The following PAPPA2 variants were observed in gnomAD, a reference collection of about 807,000 sequenced individuals.
PAPPA2 encodes the protein pappalysin-2.
PAPPA2 carries 86 observed loss-of-function variants against 176.4 expected under a neutral mutation model. The observed-to-expected ratio is 0.49, with a 90% confidence interval of 0.41 to 0.58. PAPPA2 has a LOEUF of 0.58. Ranked by LOEUF, PAPPA2 falls within the 20% of genes least tolerant of loss-of-function variation. The pLI is 0.00. For missense variants in PAPPA2, 2,073 were observed against 2,256.9 expected (o/e 0.92, Z 1.65); for synonymous variants, 809 against 852.2 (o/e 0.95, Z 0.88).
At chr1:176,532,034 T>C (rs1283764351) in intron 1 of PAPPA2, among the ~76,000 whole-genome samples, 2 of 152,128 alleles carry the variant, frequency 1.3e-5, no homozygotes, top group Non-Finnish European at 2.9e-5. Flanking sequence ...TGTCTCTCAC[T>C]CCGAGGTTTT....
At chr1:176,656,499 G>A (rs1658041333) in intron 3 of PAPPA2, among the ~76,000 whole-genome samples, 1 of 151,838 alleles carries the variant, frequency 6.6e-6, no homozygotes, top group African/African-American at 2.4e-5. Context: ...CGGGGCCTGG[G>A]TAGGAATGGG....
intron 1 of PAPPA2, among the ~76,000 whole-genome samples, chr1:176,488,110 G>A (rs12749584): frequency 0.25 from 38,566 of 151,828 alleles, 6,096 homozygotes; most frequent in African/African-American, 0.44. Context: ...GCTGTTCTGC[G>A]TGGATAGAAA....
chr1:176,514,922 G>C (rs1255612776), intron 1 of PAPPA2, among the ~76,000 whole-genome samples: 1 of 152,116 alleles, frequency 6.6e-6, no homozygotes, highest in Non-Finnish European at 1.5e-5. Context: ...TTCTTATTCA[G>C]TGTTTACATC....
intron 1 of PAPPA2, among the ~76,000 whole-genome samples, chr1:176,480,233 A>G (rs555387287): frequency 3.9e-5 from 6 of 152,262 alleles, no homozygotes; most frequent in African/African-American, 1.2e-4. Context: ...TGCTCTGTGC[A>G]ACAGTCTCCA....
chr1:176,488,787 C>T (rs1053658302), intron 1 of PAPPA2, among the ~76,000 whole-genome samples: 1 of 152,132 alleles, frequency 6.6e-6, no homozygotes, highest in Non-Finnish European at 1.5e-5. Context: ...CCCCCACTTC[C>T]TCCTTGTTCT....
chr1:176,690,491 G>T, intron 5 of PAPPA2, 61 bp downstream of exon 5: 1 of 1,580,970 alleles, frequency 6.3e-7, no homozygotes, highest in African/African-American at 1.3e-5. Context: ...TGAGAGCTGG[G>T]AGGGTGGAGG....
At chr1:176,714,292 C>G (rs905940260) in intron 12 of PAPPA2, among the ~76,000 whole-genome samples, 8 of 152,040 alleles carry the variant, frequency 5.3e-5, no homozygotes, top group Non-Finnish European at 7.4e-5. Flanking sequence ...CTCCAAACCC[C>G]TAATGTTTAA....
intron 5 of PAPPA2, 149 bp downstream of exon 5, chr1:176,690,579 A>AT (rs1660072591): frequency 3.5e-6 from 5 of 1,420,596 alleles, no homozygotes; most frequent in Non-Finnish European, 4.6e-6. Context: ...AGGTATTATT[A>AT]TTTTTTCATG....
intron 3 of PAPPA2, among the ~76,000 whole-genome samples, chr1:176,613,393 C>T (rs577535434): frequency 3.9e-4 from 60 of 152,256 alleles, no homozygotes; most frequent in African/African-American, 1.3e-3. Context: ...GATGAGGAGG[C>T]GTCTCTCAAA....
At chr1:176,702,576 G>A (rs1218861627) in intron 8 of PAPPA2, 31 bp from the exon 9 acceptor site, 1 of 1,611,236 alleles carries the variant, frequency 6.2e-7, no homozygotes, top group South Asian at 1.1e-5. Context: ...CTTTGTGGCT[G>A]TAGTGGTCAC....
rs905068420 is a variant in PAPPA2 at position 176,609,206 on chromosome 1, G to A, written c.1991+13611G>A. Among the ~76,000 whole-genome samples the A allele has an allele frequency of 2.6e-5, 4 of 152,278 alleles. No individual in the cohort carries two copies. In the South Asian group the frequency reaches 8.3e-4, roughly 32 times the overall value. On this transcript the variant is annotated intron_variant, in intron 3 of 22. Transcript: ENST00000367662. The stretch of plus-strand genomic sequence containing the variant: ...ATTAGATTATGGTTTTTGCTCCAGC[G>A]TAGTCACATAATTTAATTATTTGCT...
intron 21 of PAPPA2, among the ~76,000 whole-genome samples, chr1:176,802,823 G>A (rs760939): frequency 0.19 from 28,901 of 151,986 alleles, 5,061 homozygotes; most frequent in African/African-American, 0.47. Context: ...TATTCTCTTG[G>A]CATAAGGATT....
At chr1:176,541,384 T>C (rs116700324) in intron 1 of PAPPA2, among the ~76,000 whole-genome samples, 2,899 of 152,320 alleles carry the variant, frequency 0.019, 39 homozygotes, top group Non-Finnish European at 0.028. Context: ...TGTGTGGTTC[T>C]CAATGGGGGA....
intron 1 of PAPPA2, among the ~76,000 whole-genome samples, chr1:176,467,932 T>C (rs780175549): frequency 6.6e-6 from 1 of 152,124 alleles, no homozygotes; most frequent in African/African-American, 2.4e-5. Flanking sequence ...GATAAATAGA[T>C]GAAGAATAGC....
At chr1:176,589,139 T>C (rs879234559) in intron 2 of PAPPA2, among the ~76,000 whole-genome samples, 4 of 152,224 alleles carry the variant, frequency 2.6e-5, no homozygotes, top group African/African-American at 9.6e-5. Flanking sequence ...ACTTTTTTTT[T>C]TCATGAAACA....
intron 1 of PAPPA2, among the ~76,000 whole-genome samples, chr1:176,477,763 A>T (rs1028821820): frequency 8.2e-6 from 1 of 121,378 alleles, no homozygotes; most frequent in Non-Finnish European, 1.7e-5. Flanking sequence ...AATAAATAAA[A>T]AACATTAAAA....
chr1:176,561,514 A>T (rs905716958), intron 2 of PAPPA2, among the ~76,000 whole-genome samples: 28 of 152,176 alleles, frequency 1.8e-4, no homozygotes, highest in Admixed American at 7.2e-4. Flanking sequence ...AATGAGAATG[A>T]TGGTAAACAG....
intron 21 of PAPPA2, among the ~76,000 whole-genome samples, chr1:176,806,463 G>C (rs1249825749): frequency 1.3e-5 from 2 of 152,154 alleles, no homozygotes; most frequent in African/African-American, 4.8e-5. Flanking sequence ...TTGCATAGTG[G>C]AAGTAAAGTA....
intron 2 of PAPPA2, among the ~76,000 whole-genome samples, chr1:176,560,520 A>G (rs1242785925): frequency 3.3e-5 from 5 of 152,180 alleles, no homozygotes; most frequent in Admixed American, 3.3e-4. Flanking sequence ...AGGACTGTGT[A>G]CAACTGCTCC....
Sources: gnomAD v4.1 joint callset for allele counts (sites outside exome capture counted in the v4.1 genomes callset) on GRCh38, gnomAD v4.1.1 for gene constraint, MANE v1.5 for transcripts, NCBI Gene and HGNC (gene_info 2026-07-23, HGNC 2026-07-21) for gene names.